ZKSCAN8: variants seen among roughly 807,000 people sequenced by gnomAD.
The protein encoded by ZKSCAN8 is zinc finger protein with KRAB and SCAN domains 8.
ZKSCAN8 carries 27 observed loss-of-function variants against 57.2 expected under a neutral mutation model. The ratio of observed to expected loss-of-function variants is 0.47; its 90% CI spans 0.35 to 0.65. ZKSCAN8 has a LOEUF of 0.65. ZKSCAN8 is among the 30% of genes least tolerant of loss of function. The pLI is 0.01. For synonymous variants in ZKSCAN8, 214 were observed against 248.7 expected, an observed-to-expected ratio of 0.86 and a Z score of 1.31; for missense variants, 597 against 696.3, an observed-to-expected ratio of 0.86 and a Z score of 1.60.
rs1398319068 is a variant in ZKSCAN8 at position 28,159,271 on chromosome 6, T to C, written c.*5254T>C. On this transcript the variant is annotated 3_prime_UTR_variant, in exon 6 of 6. Transcript: ENST00000330236. ...TTTGTACTGTGGTCCATGTACTTACTAATATGTTGCTTTGTAATTATTTTC... is the reference window on the plus strand; with the variant it reads ...TTTGTACTGTGGTCCATGTACTTACCAATATGTTGCTTTGTAATTATTTTC... 1 of 152,254 alleles carries C rather than the reference T, an allele frequency of 6.6e-6. No individual in the cohort carries two copies. Among genetic ancestry groups the C allele is most frequent in the African/African-American group, 2.4e-5 (1 of 41,466 alleles). 9.4% of individuals were successfully genotyped at this position (152,254 alleles called of 1,614,324 possible).
chr6:28,148,416 A>G lies in ZKSCAN8; in HGVS notation c.9A>G (p.Glu3=). The part of the protein sequence containing the change: MA[E]ESRKPSAPSP... The stretch of plus-strand genomic sequence containing the variant: ...GAGCTTTTCAGGCTCTAATGGCTGA[A>G]GAATCAAGAAAGCCTTCAGCCCCAT... The change falls in exon 2 of 6, where the codon GAA becomes GAG. Residue 3 remains glutamate (E), a synonymous_variant. Transcript: ENST00000330236. The G allele has an allele frequency of 6.2e-7, 1 of 1,609,288 alleles. No homozygotes were observed. Among genetic ancestry groups the G allele is most frequent in the Non-Finnish European group, 8.5e-7 (1 of 1,176,668 alleles).
intron 3 of ZKSCAN8, among the ~76,000 whole-genome samples, chr6:28,150,045 TTAAA>T (rs1047865045): frequency 6.6e-5 from 10 of 152,152 alleles, no homozygotes; most frequent in East Asian, 1.9e-4. Context: ...CTTAGGTAAC[TTAAA>T]TAAATAAATT....
chr6:28,148,278 T>C, intron 1 of ZKSCAN8, 38 bp from the exon 2 acceptor site: 1 of 991,510 alleles, frequency 1.0e-6, no homozygotes. Context: ...ACAATGACTT[T>C]TGACTTGCCT....
At position 28,151,964 on chromosome 6, in the gene ZKSCAN8, G is replaced by A. The variant is rs748937655; in HGVS notation, c.651+28G>A. ...GAGTTGTGCTCCTTCTCACTGAAAC[G>A]CCATAGCTGTGCTTGTCAGTGTTTG... On this transcript the variant is annotated intron_variant, in intron 4 of 5. Coordinates refer to ENST00000330236, the MANE Select transcript of ZKSCAN8 (RefSeq NM_006298.4). 1.9e-5 allele frequency: 30 copies of A among 1,606,148 alleles called. No homozygotes were observed. The South Asian group carries it at 2.4e-4, about 13-fold the overall frequency.
chr6:28,159,021 A>C lies in ZKSCAN8; in HGVS notation c.*5004A>C, dbSNP rs745527044. ...TAGCATATTCACCTTGATTCAACAG[A>C]TTCAAACTTCCTACAGCCTTCTACT... is the stretch of plus-strand genomic sequence containing the variant. On this transcript the variant is annotated 3_prime_UTR_variant, in exon 6 of 6. Transcript: ENST00000330236. The C allele has an allele frequency of 6.6e-6, 1 of 152,182 alleles. No individual in the cohort carries two copies. The allele number at this position is 152,182 out of a possible 1,614,324, so 9.4% of individuals were successfully genotyped here.
chr6:28,142,370 C>G (rs868987), intron 1 of ZKSCAN8: 1 of 151,868 alleles, frequency 6.6e-6, no homozygotes, highest in Non-Finnish European at 1.5e-5. Flanking sequence ...ACTTAGCGCT[C>G]TTTTGCGTTT....
In ZKSCAN8 at chr6:28,159,122, C is replaced by T. The variant is rs1396375803; in HGVS notation, c.*5105C>T. On this transcript the variant is annotated 3_prime_UTR_variant, in exon 6 of 6. Coordinates refer to ENST00000330236, the MANE Select transcript of ZKSCAN8 (RefSeq NM_006298.4). ...CTTAGATTGCTCTTTGGTCCCAGCT[C>T]ATGTTCATCACTCCCTTCAAAGCCT... The T allele has an allele frequency of 6.6e-6, 1 of 152,250 alleles. No homozygotes were observed. The highest frequency in any genetic ancestry group is 1.5e-5 in the Non-Finnish European group (1 of 68,088). 9.4% of individuals were successfully genotyped at this position (152,250 alleles called of 1,614,324 possible).
Position 28,148,443 on chromosome 6 carries a change from C to T in ZKSCAN8, c.36C>T (p.Ser12=). Residue 12 remains serine, a synonymous_variant, in exon 2 of 6, where the codon TCC becomes TCT. Coordinates refer to ENST00000330236, the MANE Select transcript of ZKSCAN8 (RefSeq NM_006298.4). The part of the protein sequence containing the change: ...AEESRKPSAP[S]PPDQTPEEDL... ...AATCAAGAAAGCCTTCAGCCCCATC[C>T]CCACCAGACCAGACTCCTGAAGAGG... The T allele has an allele frequency of 6.2e-7, 1 of 1,614,052 alleles. No homozygotes were observed. The highest frequency in any genetic ancestry group is 8.5e-7 in the Non-Finnish European group (1 of 1,179,958).
At position 28,155,963 on chromosome 6, in the gene ZKSCAN8, A is replaced by G. The variant is rs1765767641; in HGVS notation, c.*1946A>G. The stretch of plus-strand genomic sequence containing the variant: ...CTCTTGTTTCTTTTATTTATAAGTT[A>G]CCATTCCTAGTTTCTTTGTACTTGA... On this transcript the variant is annotated 3_prime_UTR_variant, in exon 6 of 6. Coordinates refer to ENST00000330236, the MANE Select transcript of ZKSCAN8 (RefSeq NM_006298.4). 2.5e-6 allele frequency: 1 copy of G among 394,938 alleles called. No individual in the cohort carries two copies. The highest frequency in any genetic ancestry group is 1.4e-4 in the South Asian group (1 of 6,976). 24.5% of individuals were successfully genotyped at this position (394,938 alleles called of 1,614,324 possible). A position where few individuals can be genotyped will look rare whatever the true frequency, so the allele number is the denominator to read the frequency against.
chr6:28,148,192 G>C (rs1380372352), intron 1 of ZKSCAN8, 124 bp from the exon 2 acceptor site: 12 of 489,864 alleles, frequency 2.4e-5, no homozygotes, highest in Non-Finnish European at 4.0e-5. Flanking sequence ...CTGGAACAGT[G>C]GGGAGGATCA....
chr6:28,148,726 C>T lies in ZKSCAN8; in HGVS notation c.319C>T (p.Leu107Phe), dbSNP rs770283995. The T allele has an allele frequency of 1.2e-6, 2 of 1,614,070 alleles. No homozygotes were observed. Among genetic ancestry groups the T allele is most frequent in the South Asian group, 1.1e-5 (1 of 91,086 alleles). ...EQFLTILPEELQTLVKEHQLE... is the reference protein window; with the variant it reads ...EQFLTILPEEFQTLVKEHQLE... ...GTTCTTGACCATCCTACCTGAGGAGCTCCAGACACTGGTTAAGGAACATCA... is the reference window on the plus strand; with the variant it reads ...GTTCTTGACCATCCTACCTGAGGAGTTCCAGACACTGGTTAAGGAACATCA... Residue 107 changes from leucine to phenylalanine, a missense_variant, in exon 2 of 6, where the codon CTC (leucine) becomes TTC (phenylalanine). Transcript: ENST00000330236.
rs749127563 is a variant in ZKSCAN8, at chr6:28,157,929, T to C, written c.*3912T>C. 3 of 152,214 alleles carry C rather than the reference T, an allele frequency of 2.0e-5. No homozygotes were observed. Among genetic ancestry groups the C allele is most frequent in the Non-Finnish European group, 4.4e-5 (3 of 68,030 alleles). The allele number at this position is 152,214 out of a possible 1,614,324, so 9.4% of individuals were successfully genotyped here. A position where few individuals can be genotyped will look rare whatever the true frequency, so the allele number is the denominator to read the frequency against. ...CATAAAATGTGAAATGCTTTCATCC[T>C]CATTGCCCATTTCCAACTACCATTC... is the stretch of plus-strand genomic sequence containing the variant. On this transcript the variant is annotated 3_prime_UTR_variant, in exon 6 of 6. Transcript: ENST00000330236.
rs1765322381 is a variant in ZKSCAN8, at chr6:28,144,465, C to T, written c.-93+2436C>T. 1 of 152,182 alleles carries T rather than the reference C, an allele frequency of 6.6e-6. No individual in the cohort carries two copies. The highest frequency in any genetic ancestry group is 2.1e-4 in the South Asian group (1 of 4,824). 9.4% of individuals were successfully genotyped at this position (152,182 alleles called of 1,614,324 possible). On this transcript the variant is annotated intron_variant, in intron 1 of 5. Coordinates refer to ENST00000330236, the MANE Select transcript of ZKSCAN8 (RefSeq NM_006298.4). This position sits in a 1 kb window ranked among gnomAD's most constrained non-coding sequence, Gnocchi z 4.5. ...TGATTTTTTTCCTAAGTACCTATCT[C>T]TTCTTTGTGGACTATAGGTCTCTGG...
In ZKSCAN8 at chr6:28,144,633, C is replaced by T. The variant is rs1199867605; in HGVS notation, c.-93+2604C>T. ...ACAAACATTTGCAATAAGGCCATGG[C>T]CACATTCTCACAATGTGATAAGTCC... On this transcript the variant is annotated intron_variant, in intron 1 of 5. Transcript: ENST00000330236. The surrounding 1 kb of genome is among the most constrained non-coding windows in gnomAD (Gnocchi z 4.5). Among the ~76,000 whole-genome samples the T allele has an allele frequency of 6.6e-6, 1 of 152,170 alleles. No individual in the cohort carries two copies. Among genetic ancestry groups the T allele is most frequent in the East Asian group, 1.9e-4 (1 of 5,200 alleles).
At position 28,156,159 on chromosome 6, in the gene ZKSCAN8, G is replaced by T. The variant is rs1765775086; in HGVS notation, c.*2142G>T. 1 of 398,084 alleles carries T rather than the reference G, an allele frequency of 2.5e-6. No homozygotes were observed. Among genetic ancestry groups the T allele is most frequent in the South Asian group, 1.3e-4 (1 of 7,856 alleles). The allele number at this position is 398,084 out of a possible 1,614,324, so 24.7% of individuals were successfully genotyped here. On this transcript the variant is annotated 3_prime_UTR_variant, in exon 6 of 6. Transcript: ENST00000330236. ...TGTCAGAGGGAAAATATATGTGTAT[G>T]TACACATGTGTATGTACACACACAC...
rs933055661 is a variant in ZKSCAN8 at position 28,157,504 on chromosome 6, T to C, written c.*3487T>C. The stretch of plus-strand genomic sequence containing the variant: ...GATTCTGACCCACACAGTTTGATTC[T>C]AGAGCCTGTTCTGACTACTGTGCTA... On this transcript the variant is annotated 3_prime_UTR_variant, in exon 6 of 6. Coordinates refer to ENST00000330236, the MANE Select transcript of ZKSCAN8 (RefSeq NM_006298.4). 2 of 152,230 alleles carry C rather than the reference T, an allele frequency of 1.3e-5. No homozygotes were observed. The highest frequency in any genetic ancestry group is 6.5e-5 in the Admixed American group (1 of 15,276). 9.4% of individuals were successfully genotyped at this position (152,230 alleles called of 1,614,324 possible).
In ZKSCAN8 at chr6:28,150,899, C is replaced by T. The variant is rs111376442; in HGVS notation, c.560-946C>T. 2.2e-3 allele frequency among the ~76,000 whole-genome samples: 332 copies of T among 152,262 alleles called. 1 individual carries two copies. Among genetic ancestry groups the T allele is most frequent in the Non-Finnish European group, 4.0e-3 (273 of 68,016 alleles). On this transcript the variant is annotated intron_variant, in intron 3 of 5. Transcript: ENST00000330236. ...TCAGCTCACTGCAGCTTCTGCCTCCCGGGTTCCAGCGATTCTTAATCCTCA... is the reference window on the plus strand; with the variant it reads ...TCAGCTCACTGCAGCTTCTGCCTCCTGGGTTCCAGCGATTCTTAATCCTCA...
rs1192904049 is a variant in ZKSCAN8, at chr6:28,157,255, A to G, written c.*3238A>G. 1 of 152,234 alleles carries G rather than the reference A, an allele frequency of 6.6e-6. No individual in the cohort carries two copies. Among genetic ancestry groups the G allele is most frequent in the Non-Finnish European group, 1.5e-5 (1 of 68,044 alleles). 9.4% of individuals were successfully genotyped at this position (152,234 alleles called of 1,614,324 possible). On this transcript the variant is annotated 3_prime_UTR_variant, in exon 6 of 6. Transcript: ENST00000330236. ...CTTGTGAGACTTATTCACTATCACA[A>G]GAACAGCACAGGAAAGTTCTGCCCC...
rs1174560671 is a variant in ZKSCAN8, at chr6:28,144,479, A to G, written c.-93+2450A>G. The G allele has an allele frequency of 6.6e-6, 1 of 152,250 alleles. No individual in the cohort carries two copies. Among genetic ancestry groups the G allele is most frequent in the East Asian group, 1.9e-4 (1 of 5,198 alleles). The allele number at this position is 152,250 out of a possible 1,614,324, so 9.4% of individuals were successfully genotyped here. On this transcript the variant is annotated intron_variant, in intron 1 of 5. Coordinates refer to ENST00000330236, the MANE Select transcript of ZKSCAN8 (RefSeq NM_006298.4). This position sits in a 1 kb window ranked among gnomAD's most constrained non-coding sequence, Gnocchi z 4.5. ...AGTACCTATCTCTTCTTTGTGGACT[A>G]TAGGTCTCTGGTTTTATCTTGATGT...
Sources: allele counts gnomAD v4.1 joint callset (sites outside exome capture counted in the v4.1 genomes callset), GRCh38; gene constraint gnomAD v4.1.1; non-coding constraint Gnocchi (gnomAD v3.1); transcripts MANE v1.5; gene names NCBI Gene and HGNC (gene_info 2026-07-23, HGNC 2026-07-21).